PHLDB2: variants seen among roughly 807,000 people sequenced by gnomAD.
PHLDB2 encodes pleckstrin homology-like domain family B member 2.
In PHLDB2, 71 loss-of-function variants were observed where a neutral mutation model predicts 123.6. That is an observed-to-expected ratio of 0.57 (90% CI 0.47 to 0.70). The LOEUF is 0.70. Among genes scored for constraint, PHLDB2 ranks in the 30% least tolerant of loss-of-function variants. PHLDB2 has a pLI of 0.00. For synonymous variants in PHLDB2, 547 were observed against 541.6 expected (o/e 1.01, Z -0.14); for missense variants, 1,446 against 1,519.5 (o/e 0.95, Z 0.80).
chr3:111,963,305 G>A (rs1251378143), intron 13 of PHLDB2, among the ~76,000 whole-genome samples: 2 of 152,138 alleles, frequency 1.3e-5, no homozygotes, highest in Non-Finnish European at 2.9e-5. Context: ...GCCTTTGACT[G>A]TACTGGTTCT....
At chr3:111,952,491 A>G in intron 10 of PHLDB2, 81 bp from the exon 11 acceptor site, 1 of 1,464,464 alleles carries the variant, frequency 6.8e-7, no homozygotes, top group Non-Finnish European at 9.2e-7. Context: ...TTTTTTTTGT[A>G]AGTGCATAAT....
intron 1 of PHLDB2, among the ~76,000 whole-genome samples, chr3:111,816,211 C>T (rs1175113902): frequency 1.3e-5 from 2 of 152,212 alleles, no homozygotes; most frequent in Non-Finnish European, 2.9e-5. Context: ...AGAGCCCCTA[C>T]ACAGAGTCCC....
chr3:111,775,371 T>G (rs2060250613), intron 1 of PHLDB2, among the ~76,000 whole-genome samples: 1 of 151,998 alleles, frequency 6.6e-6, no homozygotes, highest in Non-Finnish European at 1.5e-5. Context: ...TGGAAGAAAA[T>G]CACATAGAAG....
chr3:111,973,691 T>C, intron 16 of PHLDB2, 41 bp from the exon 17 acceptor site: 1 of 1,043,050 alleles, frequency 9.6e-7, no homozygotes, highest in Non-Finnish European at 1.5e-6. Flanking sequence ...TTTCTGTTCC[T>C]CAGTGGCGAT....
Position 111,952,619 on chromosome 3 carries a change from C to G in PHLDB2, c.2679C>G (p.Leu893=), listed in dbSNP as rs2070783179. The change falls in exon 11 of 18, where the codon CTC becomes CTG. Residue 893 remains leucine (L), a synonymous_variant. Coordinates refer to ENST00000431670, the MANE Select transcript of PHLDB2 (RefSeq NM_001134438.2). ...GGAAAAAACAGCATAAAGAAGGCCT[C>G]TATCTGAGTGATACTTTGCCTCGAA... ...EERKKQHKEG[L]YLSDTLPRKK... The G allele has an allele frequency of 6.2e-7, 1 of 1,613,922 alleles. No individual in the cohort carries two copies. Among genetic ancestry groups the G allele is most frequent in the Non-Finnish European group, 8.5e-7 (1 of 1,179,866 alleles).
At chr3:111,881,773 C>CTT (rs11298720) in intron 1 of PHLDB2, among the ~76,000 whole-genome samples, 2,770 of 137,422 alleles carry the variant, frequency 0.02, 83 homozygotes, top group African/African-American at 0.071. Flanking sequence ...CCTCACTTTT[C>CTT]TTTTTTTTTT....
At chr3:111,860,772 C>T (rs1426265315) in intron 1 of PHLDB2, among the ~76,000 whole-genome samples, 1 of 152,200 alleles carries the variant, frequency 6.6e-6, no homozygotes, top group African/African-American at 2.4e-5. Flanking sequence ...AAATCTTTAT[C>T]CTGCAACTCT....
At chr3:111,793,128 C>T (rs1389184150) in intron 1 of PHLDB2, among the ~76,000 whole-genome samples, 2 of 152,162 alleles carry the variant, frequency 1.3e-5, no homozygotes, top group East Asian at 3.9e-4. Flanking sequence ...GGGCAAGCTT[C>T]CCCCACCCAA....
intron 1 of PHLDB2, among the ~76,000 whole-genome samples, chr3:111,815,276 A>C (rs2062024484): frequency 6.6e-6 from 1 of 152,176 alleles, no homozygotes; most frequent in African/African-American, 2.4e-5. Flanking sequence ...GGCACTGCTG[A>C]GAAGATACCC....
intron 1 of PHLDB2, among the ~76,000 whole-genome samples, chr3:111,829,901 A>G (rs1240834540): frequency 1.3e-5 from 2 of 149,726 alleles, no homozygotes; most frequent in African/African-American, 2.5e-5. Context: ...ACATTTTCTT[A>G]TCACCAAACT....
intron 2 of PHLDB2, among the ~76,000 whole-genome samples, chr3:111,902,890 G>A (rs1370497194): frequency 6.6e-6 from 1 of 152,160 alleles, no homozygotes; most frequent in Non-Finnish European, 1.5e-5. Flanking sequence ...CCCCTACCTT[G>A]GCCTCCCAAA....
In PHLDB2 at chr3:111,843,070, GA is replaced by G. The variant is rs558103112; in HGVS notation, c.-48-2750del. 2.3e-3 allele frequency among the ~76,000 whole-genome samples: 352 copies of G among 152,250 alleles called. 1 individual carries two copies. The highest frequency in any genetic ancestry group is 7.1e-3 in the African/African-American group (294 of 41,530). On this transcript the variant is annotated intron_variant, in intron 1 of 17. Transcript: ENST00000393923. ...AACGACACCATGAACATTTACATAT[GA>G]GTTTTTGTGAGAACATATGTTTTCA...
At chr3:111,784,556 G>A (rs2060608791) in intron 1 of PHLDB2, among the ~76,000 whole-genome samples, 1 of 152,254 alleles carries the variant, frequency 6.6e-6, no homozygotes, top group East Asian at 1.9e-4. Context: ...AGCAGCATAA[G>A]CAAGAACTAA....
chr3:111,774,411 A>G (rs1170973162), intron 1 of PHLDB2, among the ~76,000 whole-genome samples: 1 of 152,240 alleles, frequency 6.6e-6, no homozygotes, highest in Non-Finnish European at 1.5e-5. Flanking sequence ...TGTATGCTCT[A>G]TCTCCTGGAA....
At chr3:111,795,780 A>G (rs1004902738) in intron 1 of PHLDB2, among the ~76,000 whole-genome samples, 8 of 152,122 alleles carry the variant, frequency 5.3e-5, no homozygotes, top group Non-Finnish European at 7.3e-5. Context: ...GCTGGAGTGC[A>G]ATGATGTGAT....
intron 6 of PHLDB2, among the ~76,000 whole-genome samples, chr3:111,939,151 C>G (rs945563900): frequency 3.3e-5 from 5 of 152,170 alleles, no homozygotes; most frequent in African/African-American, 1.2e-4. Flanking sequence ...CACCTTTGGA[C>G]TGCAGATTAT....
intron 2 of PHLDB2, among the ~76,000 whole-genome samples, chr3:111,890,543 A>T (rs1188333356): frequency 2.0e-5 from 3 of 152,268 alleles, no homozygotes; most frequent in African/African-American, 7.2e-5. Flanking sequence ...GAATGAATAG[A>T]TGCCAAAGAT....
At chr3:111,817,181 A>G (rs2062120544) in intron 1 of PHLDB2, among the ~76,000 whole-genome samples, 1 of 152,170 alleles carries the variant, frequency 6.6e-6, no homozygotes, top group African/African-American at 2.4e-5. Context: ...AGCGATTACC[A>G]GAAGAACAGC....
At chr3:111,793,743 G>C (rs12491977) in intron 1 of PHLDB2, among the ~76,000 whole-genome samples, 6 of 151,510 alleles carry the variant, frequency 4.0e-5, no homozygotes, top group Admixed American at 3.9e-4. Flanking sequence ...GAATCCTTCC[G>C]GAACTGGATT....
Sources: allele counts gnomAD v4.1 joint callset (sites outside exome capture counted in the v4.1 genomes callset), GRCh38; gene constraint gnomAD v4.1.1; transcripts MANE v1.5; gene names NCBI Gene and HGNC (gene_info 2026-07-23, HGNC 2026-07-21).